GLI3: variants seen among roughly 807,000 people sequenced by gnomAD.
GLI3 encodes GLI family zinc finger 3.
In GLI3, 20 loss-of-function variants were observed where a neutral mutation model predicts 100.8. That is an observed-to-expected ratio of 0.20 (90% CI 0.14 to 0.29). The LOEUF (loss-of-function observed/expected upper bound fraction) is 0.29, where lower values mean the gene tolerates loss of function less well. Ranked by LOEUF, GLI3 falls within the 10% of genes least tolerant of loss-of-function variation. The pLI is 1.00. For synonymous variants in GLI3, 938 were observed against 860.5 expected, an observed-to-expected ratio of 1.09 and a Z score of -1.58; for missense variants, 2,040 against 2,128.5, an observed-to-expected ratio of 0.96 and a Z score of 0.82.
rs375306042 is a variant in GLI3 at position 42,005,422 on chromosome 7, T to G, written c.1497+18046A>C. Among the ~76,000 whole-genome samples, 88 of 150,540 alleles carry G rather than the reference T, an allele frequency of 5.8e-4. 3 individuals carry two copies. The South Asian group carries it at 0.018, about 31-fold the overall frequency. ...ATGGATGGATGTGGTGCAAAGTGCT[T>G]AACTGCTAAAAAACATTTTTTATCC... On this transcript the variant is annotated intron_variant, in intron 10 of 14. Coordinates refer to ENST00000395925, the MANE Select transcript of GLI3 (RefSeq NM_000168.6).
intron 3 of GLI3, among the ~76,000 whole-genome samples, chr7:42,080,794 T>C (rs1048001214): frequency 6.6e-6 from 1 of 152,136 alleles, no homozygotes. Flanking sequence ...TGGTTTGTCG[T>C]TTCTATGTGG....
In GLI3 at chr7:41,964,511, C is replaced by T. The variant is rs1787104984; in HGVS notation, c.4562G>A (p.Gly1521Glu). Residue 1521 changes from glycine (G) to glutamate (E), a missense_variant, in exon 15 of 15, where the codon GGG (glycine) becomes GAG (glutamate). Gly to Glu is a moderately conservative substitution (Grantham distance 98, BLOSUM62 -2). This residue lies in a region of GLI3 where 1,041 missense variants were observed against 924.0 expected (regional missense o/e 1.13). Transcript: ENST00000395925. The stretch of plus-strand genomic sequence containing the variant: ...CTGAATGATACTTGGGCTCAGGGCC[C>T]CCGACATCAGGCTGGAGTGGTCCCC... ...DDGDHSSLMSGALSPSIIQNL... is the reference protein window; with the variant it reads ...DDGDHSSLMSEALSPSIIQNL... The T allele has an allele frequency of 1.2e-6, 2 of 1,614,080 alleles. No individual in the cohort carries two copies. The highest frequency in any genetic ancestry group is 1.7e-6 in the Non-Finnish European group (2 of 1,179,934).
intron 1 of GLI3, among the ~76,000 whole-genome samples, chr7:42,249,905 G>A (rs886792280): frequency 6.6e-6 from 1 of 151,976 alleles, no homozygotes; most frequent in Non-Finnish European, 1.5e-5. Context: ...GATCACCCTG[G>A]GCAACATGAT....
rs1395981975 is a variant in GLI3, at chr7:42,200,604, A to T, written c.124+22526T>A. Reference sequence around the variant, plus strand: ...CCCACACAAGAAAGAGTGATAAATTATATCATTTTAAAAATAAAGCCAGCA... The same window carrying T: ...CCCACACAAGAAAGAGTGATAAATTTTATCATTTTAAAAATAAAGCCAGCA... On this transcript the variant is annotated intron_variant, in intron 2 of 14. Transcript: ENST00000395925. 2.0e-5 allele frequency among the ~76,000 whole-genome samples: 3 copies of T among 152,174 alleles called. No homozygotes were observed. In the East Asian group the frequency reaches 5.8e-4, roughly 29 times the overall value.
intron 10 of GLI3, among the ~76,000 whole-genome samples, chr7:41,992,562 T>C (rs549791191): frequency 1.3e-5 from 2 of 152,210 alleles, no homozygotes; most frequent in South Asian, 4.1e-4. Flanking sequence ...ATTTTAAAGA[T>C]TTCACAAAGC....
intron 2 of GLI3, among the ~76,000 whole-genome samples, chr7:42,165,631 T>G (rs1179153963): frequency 6.6e-6 from 1 of 152,232 alleles, no homozygotes; most frequent in East Asian, 1.9e-4. Flanking sequence ...ATTCCCTACT[T>G]GTTCTGGGTT....
At chr7:42,216,722 G>C (rs1788385482) in intron 2 of GLI3, among the ~76,000 whole-genome samples, 1 of 152,046 alleles carries the variant, frequency 6.6e-6, no homozygotes, top group South Asian at 2.1e-4. Flanking sequence ...TTCCCCAAAG[G>C]ACACAAGACC....
chr7:42,105,487 C>T (rs925424151), intron 3 of GLI3, among the ~76,000 whole-genome samples: 2 of 151,518 alleles, frequency 1.3e-5, no homozygotes, highest in East Asian at 1.9e-4. Context: ...AAGCGAGAAG[C>T]GAAAGGAAGT....
At position 42,095,537 on chromosome 7, in the gene GLI3, G is replaced by A. The variant is rs10259111; in HGVS notation, c.368-18680C>T. On this transcript the variant is annotated intron_variant, in intron 3 of 14. Transcript: ENST00000395925. ...GCAGTGGAAGGGAAATGAATGGGAT[G>A]GAGGAGGGGCTCTGGGAGAAGCAGA... Among the ~76,000 whole-genome samples the A allele has an allele frequency of 2.4e-3, 359 of 152,340 alleles. 2 individuals carry two copies. Among genetic ancestry groups the A allele is most frequent in the African/African-American group, 8.0e-3 (332 of 41,586 alleles).
chr7:41,995,487 G>C (rs1788100478), intron 10 of GLI3, among the ~76,000 whole-genome samples: 1 of 152,102 alleles, frequency 6.6e-6, no homozygotes, highest in Non-Finnish European at 1.5e-5. Context: ...CTGATGTTCA[G>C]AGGGGTTCAG....
chr7:42,160,773 A>G (rs938134540), intron 2 of GLI3, among the ~76,000 whole-genome samples: 2 of 152,206 alleles, frequency 1.3e-5, no homozygotes, highest in Non-Finnish European at 2.9e-5. Flanking sequence ...AGGATGGTGC[A>G]GAAGAGAGCT....
At position 41,964,068 on chromosome 7, in the gene GLI3, T is replaced by G. The variant is rs1787083766; in HGVS notation, c.*262A>C. ...AAAAAGGGGGCGGGGCTTACAGTTT[T>G]TTTTTTTTTTTTTAAAAAGAGGGTG... On this transcript the variant is annotated 3_prime_UTR_variant, in exon 15 of 15. Coordinates refer to ENST00000395925, the MANE Select transcript of GLI3 (RefSeq NM_000168.6). 1 of 296,096 alleles carries G rather than the reference T, an allele frequency of 3.4e-6. No homozygotes were observed. The highest frequency in any genetic ancestry group is 6.3e-6 in the Non-Finnish European group (1 of 158,664). 18.3% of individuals were successfully genotyped at this position (296,096 alleles called of 1,614,324 possible).
At chr7:42,232,536 C>G (rs1788713740) in intron 1 of GLI3, among the ~76,000 whole-genome samples, 1 of 152,218 alleles carries the variant, frequency 6.6e-6, no homozygotes, top group Admixed American at 6.5e-5. Context: ...AGAAACCATG[C>G]AGTACTTTGA....
At chr7:42,234,732 C>T (rs556067628) in intron 1 of GLI3, among the ~76,000 whole-genome samples, 1 of 152,260 alleles carries the variant, frequency 6.6e-6, no homozygotes, top group South Asian at 2.1e-4. Context: ...AGACACCTCT[C>T]ACATTGGACT....
intron 10 of GLI3, among the ~76,000 whole-genome samples, chr7:42,013,633 A>G (rs1788680694): frequency 6.6e-6 from 1 of 152,164 alleles, no homozygotes; most frequent in African/African-American, 2.4e-5. Flanking sequence ...ACGGCCTCCC[A>G]AAGTGCTGGG....
intron 10 of GLI3, among the ~76,000 whole-genome samples, chr7:41,998,371 A>G (rs1788190639): frequency 1.3e-5 from 2 of 152,312 alleles, no homozygotes; most frequent in South Asian, 4.2e-4. Flanking sequence ...AGCCTGTAAA[A>G]ACCATTCAAA....
intron 7 of GLI3, among the ~76,000 whole-genome samples, chr7:42,038,202 G>A (rs527245917): frequency 1.1e-4 from 16 of 152,324 alleles, no homozygotes; most frequent in Admixed American, 5.2e-4. Context: ...CGCCAGGAGT[G>A]CAGGAGCAGC....
At chr7:42,006,530 A>C (rs1209234885) in intron 10 of GLI3, among the ~76,000 whole-genome samples, 1 of 152,222 alleles carries the variant, frequency 6.6e-6, no homozygotes, top group African/African-American at 2.4e-5. Context: ...CTTGGCTTAC[A>C]GCTTCTAAAT....
Position 42,237,149 on chromosome 7 carries a change from G to A in GLI3, c.-221C>T, listed in dbSNP as rs1788822563. 6.7e-6 allele frequency: 1 copy of A among 149,064 alleles called. No homozygotes were observed. The highest frequency in any genetic ancestry group is 2.4e-5 in the African/African-American group (1 of 41,054). 9.2% of individuals were successfully genotyped at this position (149,064 alleles called of 1,614,324 possible). ...CGGCGCGGGCGGCCGCGGGGCGCGC[G>A]GGGAAGGCGGGAGAGCGGCGCGGGT... On this transcript the variant is annotated 5_prime_UTR_variant, in exon 1 of 15. Coordinates refer to ENST00000395925, the MANE Select transcript of GLI3 (RefSeq NM_000168.6).
Sources: gnomAD v4.1 joint callset for allele counts (sites outside exome capture counted in the v4.1 genomes callset) on GRCh38, gnomAD v4.1.1 for gene constraint, gnomAD v4.1.1 regional missense constraint, MANE v1.5 for transcripts, NCBI Gene and HGNC (gene_info 2026-07-23, HGNC 2026-07-21) for gene names.